The following CDH12 variants were observed in gnomAD, a reference collection of about 807,000 sequenced individuals.
CDH12 encodes the protein cadherin 12.
In CDH12, 41 loss-of-function variants were observed where a neutral mutation model predicts 74.1. The ratio of observed to expected loss-of-function variants is 0.55; its 90% CI spans 0.43 to 0.72. CDH12 has a LOEUF of 0.72. CDH12 is among the 30% of genes least tolerant of loss of function. The probability of loss-of-function intolerance (pLI) is 0.00; values close to 1 mark genes in which losing one functional copy is unlikely to be tolerated. For synonymous variants in CDH12, 399 were observed against 355.0 expected, an observed-to-expected ratio of 1.12 and a Z score of -1.39; for missense variants, 945 against 977.2, an observed-to-expected ratio of 0.97 and a Z score of 0.44.
intron 1 of CDH12, among the ~76,000 whole-genome samples, chr5:22,752,920 A>G (rs1745670432): frequency 6.6e-6 from 1 of 151,946 alleles, no homozygotes; most frequent in African/African-American, 2.4e-5. Context: ...AAGACAGATA[A>G]GGCAAGTAAT....
At chr5:21,817,696 A>G (rs1441703817) in intron 8 of CDH12, among the ~76,000 whole-genome samples, 1 of 152,006 alleles carries the variant, frequency 6.6e-6, no homozygotes, top group African/African-American at 2.4e-5. Context: ...ATTGAAATAT[A>G]GTATATTATA....
chr5:22,339,288 C>A (rs1297150736), intron 3 of CDH12, among the ~76,000 whole-genome samples: 2 of 152,096 alleles, frequency 1.3e-5, no homozygotes, highest in African/African-American at 4.8e-5. Context: ...GGATTTCAAA[C>A]CTTAGGTTGG....
intron 6 of CDH12, among the ~76,000 whole-genome samples, chr5:21,864,641 A>T (rs543270528): frequency 6.6e-6 from 1 of 152,316 alleles, no homozygotes; most frequent in Admixed American, 6.5e-5. Flanking sequence ...AATTGATGCC[A>T]ATTGGAGTTG....
At chr5:22,592,676 T>A (rs833351) in intron 1 of CDH12, among the ~76,000 whole-genome samples, 25 of 136,074 alleles carry the variant, frequency 1.8e-4, no homozygotes, top group South Asian at 7.6e-4. Context: ...GCTCTCCCCC[T>A]CCACCCCCCA....
intron 3 of CDH12, among the ~76,000 whole-genome samples, chr5:22,272,891 A>G (rs1165265328): frequency 1.3e-5 from 2 of 152,204 alleles, no homozygotes; most frequent in African/African-American, 4.8e-5. Context: ...ATGGCTGGGG[A>G]GGCCTCATGA....
chr5:22,345,330 G>A lies in CDH12; in HGVS notation c.-333+59927C>T, dbSNP rs562239797. Among the ~76,000 whole-genome samples, 7 of 152,112 alleles carry A rather than the reference G, an allele frequency of 4.6e-5. No individual in the cohort carries two copies. In the South Asian group the frequency reaches 1.0e-3, roughly 23 times the overall value. On this transcript the variant is annotated intron_variant, in intron 3 of 14. Coordinates refer to ENST00000382254, the MANE Select transcript of CDH12 (RefSeq NM_004061.5). Reference sequence around the variant, plus strand: ...GTCTTTTCCCTGTCCTGTAACTGTCGAGTTGGTCCTTTTGAAATTTAATGT... The same window carrying A: ...GTCTTTTCCCTGTCCTGTAACTGTCAAGTTGGTCCTTTTGAAATTTAATGT...
chr5:22,371,869 C>A lies in CDH12; in HGVS notation c.-333+33388G>T, dbSNP rs114775294. Among the ~76,000 whole-genome samples, 742 of 152,184 alleles carry A rather than the reference C, an allele frequency of 4.9e-3. 7 individuals are homozygous for A. Among genetic ancestry groups the A allele is most frequent in the African/African-American group, 0.017 (698 of 41,534 alleles). On this transcript the variant is annotated intron_variant, in intron 3 of 14. Coordinates refer to ENST00000382254, the MANE Select transcript of CDH12 (RefSeq NM_004061.5). ...ATTAAGAACATAGATAGAAGCCAGT[C>A]CATGAAAGAACCTTGTGGGAGATGA... is the stretch of plus-strand genomic sequence containing the variant.
intron 12 of CDH12, among the ~76,000 whole-genome samples, chr5:21,762,709 C>T (rs1275809222): frequency 6.6e-6 from 1 of 152,062 alleles, no homozygotes; most frequent in Non-Finnish European, 1.5e-5. Context: ...TTGATTTCAA[C>T]TAATTTCCTT....
chr5:22,486,446 ATTTTTTTTTTTT>A (rs5866568), intron 2 of CDH12, among the ~76,000 whole-genome samples: 2 of 131,436 alleles, frequency 1.5e-5, no homozygotes, highest in Non-Finnish European at 3.2e-5. Flanking sequence ...GTAACTAGTA[ATTTTTTTTTTTT>A]TTTTTTTTTT....
chr5:22,461,486 A>G (rs538542449), intron 2 of CDH12, among the ~76,000 whole-genome samples: 8 of 152,068 alleles, frequency 5.3e-5, no homozygotes, highest in Admixed American at 5.2e-4. Context: ...AAAAAGCAAA[A>G]AAAAAAAACC....
chr5:22,660,370 T>C (rs964702121), intron 1 of CDH12, among the ~76,000 whole-genome samples: 2 of 152,208 alleles, frequency 1.3e-5, no homozygotes, highest in Non-Finnish European at 2.9e-5. Context: ...TTTATATGCC[T>C]CACTACATTA....
At chr5:22,548,314 G>T (rs975582991) in intron 1 of CDH12, among the ~76,000 whole-genome samples, 3 of 152,044 alleles carry the variant, frequency 2.0e-5, no homozygotes, top group Non-Finnish European at 4.4e-5. Context: ...AATGAAAGTG[G>T]AGTTTGTACA....
chr5:21,834,840 A>G (rs974887024), intron 8 of CDH12, among the ~76,000 whole-genome samples: 8 of 152,012 alleles, frequency 5.3e-5, no homozygotes, highest in Non-Finnish European at 7.4e-5. Flanking sequence ...AATTATTTGA[A>G]TAAGCTGAAG....
chr5:22,509,488 C>T (rs1378554850), intron 1 of CDH12, among the ~76,000 whole-genome samples: 1 of 152,144 alleles, frequency 6.6e-6, no homozygotes, highest in Non-Finnish European at 1.5e-5. Context: ...AAATAAATCT[C>T]AAGCTACTAG....
chr5:22,809,463 T>C (rs1467487192), intron 1 of CDH12, among the ~76,000 whole-genome samples: 1 of 151,818 alleles, frequency 6.6e-6, no homozygotes, highest in Non-Finnish European at 1.5e-5. Context: ...ATTCCTTTCA[T>C]AAAATGCTTT....
At chr5:22,497,586 AAACC>A in intron 2 of CDH12, among the ~76,000 whole-genome samples, 1 of 151,808 alleles carries the variant, frequency 6.6e-6, no homozygotes, top group Non-Finnish European at 1.5e-5. Flanking sequence ...TGAAAAGATA[AAACC>A]ATCAAGGTCC....
intron 2 of CDH12, among the ~76,000 whole-genome samples, chr5:22,483,763 T>TATATATATATATATATATAA (rs902754630): frequency 1.3e-4 from 12 of 91,788 alleles, no homozygotes; most frequent in Middle Eastern, 4.6e-3. Flanking sequence ...TATATATATA[T>TATATATATATATATATATAA]AAATTTAATT....
intron 2 of CDH12, among the ~76,000 whole-genome samples, chr5:22,473,864 C>T (rs1746063232): frequency 6.6e-6 from 1 of 152,070 alleles, no homozygotes. Flanking sequence ...TTCTCAATAA[C>T]ATTATCTCAA....
In CDH12 at chr5:21,932,812, CA is replaced by C. The variant is rs201011413; in HGVS notation, c.526+42278del. 4.1e-3 allele frequency among the ~76,000 whole-genome samples: 583 copies of C among 142,624 alleles called. 2 individuals carry two copies. The highest frequency in any genetic ancestry group is 0.012 in the African/African-American group (460 of 38,822). 93.6% of individuals were successfully genotyped at this position (142,624 alleles called of 152,430 possible). A position where few individuals can be genotyped will look rare whatever the true frequency, so the allele number is the denominator to read the frequency against. On this transcript the variant is annotated intron_variant, in intron 6 of 14. Coordinates refer to ENST00000382254, the MANE Select transcript of CDH12 (RefSeq NM_004061.5). ...CTGGTGACAGAGCAAGACTCCATCT[CA>C]AAAAAAAAAGATAGTAGCAAATGTT...
Sources: allele counts gnomAD v4.1 joint callset (sites outside exome capture counted in the v4.1 genomes callset), GRCh38; gene constraint gnomAD v4.1.1; transcripts MANE v1.5; gene names NCBI Gene and HGNC (gene_info 2026-07-23, HGNC 2026-07-21).